PTPRD: variants seen among roughly 807,000 people sequenced by gnomAD.
The protein encoded by PTPRD is receptor-type tyrosine-protein phosphatase delta.
A neutral mutation model predicts 214.5 loss-of-function variants in PTPRD; 34 were observed. The observed-to-expected ratio is 0.16, with a 90% CI of 0.12 to 0.21. The LOEUF is 0.21. Ranked by LOEUF, PTPRD falls within the 10% of genes least tolerant of loss-of-function variation. The pLI, the probability that PTPRD is intolerant of heterozygous loss-of-function variation, is 1.00. For synonymous variants in PTPRD, 1,128 were observed against 845.7 expected (o/e 1.33, Z -5.79); for missense variants, 2,545 against 2,398.7 (o/e 1.06, Z -1.27).
chr9:10,368,571 A>C (rs1035874148), intron 2 of PTPRD, among the ~76,000 whole-genome samples: 4 of 152,136 alleles, frequency 2.6e-5, no homozygotes, highest in African/African-American at 9.6e-5. Context: ...AATGCAGGAT[A>C]CAGAAATATT....
intron 2 of PTPRD, among the ~76,000 whole-genome samples, chr9:10,533,130 A>G (rs2134812678): frequency 6.6e-6 from 1 of 152,210 alleles, no homozygotes; most frequent in Admixed American, 6.6e-5. Flanking sequence ...CCTCTCTCCT[A>G]CATGATCTCT....
At chr9:8,766,620 G>T (rs1334641623) in intron 11 of PTPRD, among the ~76,000 whole-genome samples, 1 of 152,132 alleles carries the variant, frequency 6.6e-6, no homozygotes, top group Non-Finnish European at 1.5e-5. Flanking sequence ...CTTTTGAATT[G>T]CATGGTGGGA....
chr9:8,683,181 C>T (rs577774241), intron 12 of PTPRD, among the ~76,000 whole-genome samples: 1 of 152,268 alleles, frequency 6.6e-6, no homozygotes, highest in East Asian at 1.9e-4. Context: ...ACACACAAAG[C>T]TGTATTTTCT....
At chr9:8,667,496 C>T (rs1349029172) in intron 12 of PTPRD, among the ~76,000 whole-genome samples, 3 of 152,122 alleles carry the variant, frequency 2.0e-5, no homozygotes, top group Non-Finnish European at 2.9e-5. Flanking sequence ...TTTTTGAGCA[C>T]TGACATGACA....
chr9:9,332,074 G>C (rs538727743), intron 9 of PTPRD, among the ~76,000 whole-genome samples: 4 of 152,180 alleles, frequency 2.6e-5, no homozygotes, highest in African/African-American at 9.6e-5. Flanking sequence ...TTCACATGTA[G>C]AGGTGAGGAG....
chr9:8,779,046 G>C (rs2095594584), intron 11 of PTPRD, among the ~76,000 whole-genome samples: 1 of 152,070 alleles, frequency 6.6e-6, no homozygotes, highest in Admixed American at 6.6e-5. Context: ...AGCTCAAAGG[G>C]AAAAAGAAGG....
intron 11 of PTPRD, among the ~76,000 whole-genome samples, chr9:9,004,929 G>T (rs564389605): frequency 6.6e-6 from 1 of 152,072 alleles, no homozygotes; most frequent in South Asian, 2.1e-4. Flanking sequence ...AGGGCACGGG[G>T]AAGCCAAAAA....
chr9:10,475,497 T>C (rs1272542604), intron 2 of PTPRD, among the ~76,000 whole-genome samples: 1 of 151,734 alleles, frequency 6.6e-6, no homozygotes, highest in Admixed American at 6.6e-5. Flanking sequence ...ACTAATAGCC[T>C]ACCAACCAAA....
intron 2 of PTPRD, among the ~76,000 whole-genome samples, chr9:10,573,634 G>A (rs756419575): frequency 3.3e-5 from 5 of 152,140 alleles, no homozygotes; most frequent in Non-Finnish European, 7.3e-5. Flanking sequence ...TAGGCTGAAG[G>A]GGGAGGAAGC....
intron 3 of PTPRD, among the ~76,000 whole-genome samples, chr9:10,333,901 C>T (rs1228815825): frequency 6.6e-6 from 1 of 151,734 alleles, no homozygotes; most frequent in African/African-American, 2.4e-5. Flanking sequence ...AATACAAGAA[C>T]ATTTATACTT....
At chr9:8,897,127 C>T (rs2098622955) in intron 11 of PTPRD, among the ~76,000 whole-genome samples, 1 of 152,092 alleles carries the variant, frequency 6.6e-6, no homozygotes, top group Non-Finnish European at 1.5e-5. Flanking sequence ...CATAATATTT[C>T]ATTTTGTTGA....
intron 2 of PTPRD, among the ~76,000 whole-genome samples, chr9:10,383,866 G>C (rs933027193): frequency 6.6e-6 from 1 of 151,722 alleles, no homozygotes; most frequent in African/African-American, 2.4e-5. Flanking sequence ...GGGAACATGA[G>C]CACGTGATTA....
intron 3 of PTPRD, among the ~76,000 whole-genome samples, chr9:10,143,232 A>G (rs1023458485): frequency 3.3e-5 from 5 of 152,064 alleles, no homozygotes; most frequent in African/African-American, 1.2e-4. Flanking sequence ...TATGTAACTA[A>G]TCTGCACATT....
At chr9:8,583,834 G>T (rs1434085539) in intron 14 of PTPRD, among the ~76,000 whole-genome samples, 2 of 152,144 alleles carry the variant, frequency 1.3e-5, no homozygotes, top group Admixed American at 1.3e-4. Context: ...TTGTTTTTCT[G>T]TACTTTCTTC....
intron 11 of PTPRD, among the ~76,000 whole-genome samples, chr9:8,935,027 A>T (rs2098987270): frequency 6.6e-6 from 1 of 152,162 alleles, no homozygotes; most frequent in African/African-American, 2.4e-5. Flanking sequence ...ATACACACAC[A>T]GAGAGATATA....
At chr9:9,810,185 G>A (rs2046708561) in intron 5 of PTPRD, among the ~76,000 whole-genome samples, 1 of 143,296 alleles carries the variant, frequency 7.0e-6, no homozygotes, top group South Asian at 2.2e-4. Flanking sequence ...ATAGTTTTAA[G>A]AAGCATTTTA....
At chr9:9,142,035 G>A (rs1027231967) in intron 10 of PTPRD, among the ~76,000 whole-genome samples, 1 of 152,216 alleles carries the variant, frequency 6.6e-6, no homozygotes, top group Non-Finnish European at 1.5e-5. Flanking sequence ...GCTCCATTAG[G>A]AAATTAAAAC....
At chr9:9,628,939 C>T (rs1323415741) in intron 7 of PTPRD, among the ~76,000 whole-genome samples, 5 of 151,596 alleles carry the variant, frequency 3.3e-5, no homozygotes, top group African/African-American at 4.9e-5. Flanking sequence ...TTTGGGAGGC[C>T]GAGGCGGGCA....
intron 11 of PTPRD, among the ~76,000 whole-genome samples, chr9:8,992,286 C>T (rs1340568113): frequency 6.6e-6 from 1 of 152,176 alleles, no homozygotes; most frequent in African/African-American, 2.4e-5. Context: ...CTTTTTCACA[C>T]TGGTTTCTCC....
Sources: gnomAD v4.1 joint callset for allele counts (sites outside exome capture counted in the v4.1 genomes callset) on GRCh38, gnomAD v4.1.1 for gene constraint, MANE v1.5 for transcripts, NCBI Gene and HGNC (gene_info 2026-07-23, HGNC 2026-07-21) for gene names.